ABCB7: variants seen among roughly 807,000 people sequenced by gnomAD.
The protein encoded by ABCB7 is iron-sulfur clusters transporter ABCB7, mitochondrial.
Under a neutral mutation model 54.4 loss-of-function variants are expected in ABCB7, and 7 were observed. The ratio of observed to expected loss-of-function variants is 0.13; its 90% CI spans 0.07 to 0.24. The LOEUF is 0.24. ABCB7 is among the 10% of genes least tolerant of loss of function. ABCB7 has a pLI of 1.00. For synonymous variants in ABCB7, 218 were observed against 207.1 expected (o/e 1.05, Z -0.45); for missense variants, 356 against 570.4 (o/e 0.62, Z 3.83).
chrX:75,100,818 C>T (rs2081633208), intron 3 of ABCB7, among the ~76,000 whole-genome samples: 1 of 111,625 alleles, frequency 9.0e-6, no homozygotes, highest in Non-Finnish European at 1.9e-5. Context: ...GACTGACATA[C>T]AATAGGTACC....
At chrX:75,127,037 A>T (rs779686461) in intron 1 of ABCB7, among the ~76,000 whole-genome samples, 1 of 110,979 alleles carries the variant, frequency 9.0e-6, no homozygotes, top group South Asian at 3.8e-4. Context: ...AAAAAAAGGG[A>T]CTCCTCTCTA....
At chrX:75,089,672 TGAACA>T (rs2081529650) in intron 4 of ABCB7, among the ~76,000 whole-genome samples, 1 of 110,116 alleles carries the variant, frequency 9.1e-6, no homozygotes. Flanking sequence ...AGAAAGGAAA[TGAACA>T]GAAAACAGTT....
intron 4 of ABCB7, among the ~76,000 whole-genome samples, chrX:75,079,886 C>A (rs938015358): frequency 1.1e-4 from 12 of 111,870 alleles, no homozygotes; most frequent in Non-Finnish European, 5.6e-5. Context: ...TCACCCCAGT[C>A]CCTTTACCCT....
In ABCB7 at chrX:75,069,440, T is replaced by C. The variant is rs2081345808; in HGVS notation, c.1380A>G (p.Ala460=). ...VDTQIKDKVM[A]SPLQITPQTA... ...TCTGTGGTGTGATCTGAAGGGGAGA[T>C]GCCATCACTTTGTCCTAGCAGGGAA... Residue 460 remains alanine (A), a synonymous_variant, in exon 11 of 16, where the codon GCA becomes GCG. Transcript: ENST00000373394. The C allele has an allele frequency of 8.3e-7, 1 of 1,209,835 alleles. No individual in the cohort carries two copies. The highest frequency in any genetic ancestry group is 1.1e-6 in the Non-Finnish European group (1 of 894,735).
At chrX:75,080,626 C>A (rs2081447767) in intron 4 of ABCB7, among the ~76,000 whole-genome samples, 1 of 111,454 alleles carries the variant, frequency 9.0e-6, no homozygotes, top group African/African-American at 3.3e-5. Flanking sequence ...TTACAATAAC[C>A]AGCAAAGTAT....
chrX:75,088,878 A>C (rs5981763), intron 4 of ABCB7, among the ~76,000 whole-genome samples: 16,482 of 109,088 alleles, frequency 0.15, 2,622 homozygotes, highest in African/African-American at 0.47. Context: ...ACAACAACAA[A>C]AAAAAAACTC....
intron 1 of ABCB7, among the ~76,000 whole-genome samples, chrX:75,118,731 G>A (rs775058524): frequency 9.0e-6 from 1 of 111,583 alleles, no homozygotes; most frequent in African/African-American, 3.3e-5. Flanking sequence ...GGCAGTTATG[G>A]GGAAATACTC....
intron 1 of ABCB7, among the ~76,000 whole-genome samples, chrX:75,151,959 A>G (rs898682793): frequency 2.7e-5 from 3 of 111,321 alleles, no homozygotes; most frequent in African/African-American, 6.5e-5. Flanking sequence ...ATAGTATTCA[A>G]TATCATTCCT....
intron 1 of ABCB7, among the ~76,000 whole-genome samples, chrX:75,149,630 G>T (rs1021053838): frequency 1.8e-5 from 2 of 111,487 alleles, no homozygotes; most frequent in Non-Finnish European, 3.8e-5. Flanking sequence ...TAGCTCTGTG[G>T]AAGATAAAAA....
chrX:75,098,259 A>C (rs1276450582), intron 4 of ABCB7, among the ~76,000 whole-genome samples: 1 of 108,954 alleles, frequency 9.2e-6, no homozygotes, highest in Non-Finnish European at 1.9e-5. Context: ...CAGTGAGCCA[A>C]GATTGTGCCA....
chrX:75,051,156 A>T lies in ABCB7; in HGVS notation c.*2214T>A, dbSNP rs1446358647. ...TGTTGAAAAGGAAAAAAAAAAAAAA[A>T]CTAATCCACTTTTCAGTTGATTATG... On this transcript the variant is annotated 3_prime_UTR_variant, in exon 16 of 16. Coordinates refer to ENST00000373394, the MANE Select transcript of ABCB7 (RefSeq NM_001271696.3). 9.1e-6 allele frequency among the ~76,000 whole-genome samples: 1 copy of T among 110,341 alleles called. No individual in the cohort carries two copies. The highest frequency in any genetic ancestry group is 1.9e-5 in the Non-Finnish European group (1 of 52,739).
intron 1 of ABCB7, among the ~76,000 whole-genome samples, chrX:75,146,194 C>T (rs919418603): frequency 9.0e-6 from 1 of 111,593 alleles, no homozygotes; most frequent in Admixed American, 9.5e-5. Context: ...ACATTTCATG[C>T]TCATGGATAG....
At chrX:75,151,444 T>C (rs746123667) in intron 1 of ABCB7, among the ~76,000 whole-genome samples, 5 of 111,608 alleles carry the variant, frequency 4.5e-5, no homozygotes, top group Non-Finnish European at 7.5e-5. Flanking sequence ...ACTACTTCCA[T>C]CCTCCCAACA....
At chrX:75,142,719 G>C (rs913685531) in intron 1 of ABCB7, among the ~76,000 whole-genome samples, 1 of 111,776 alleles carries the variant, frequency 8.9e-6, no homozygotes, top group Non-Finnish European at 1.9e-5. Flanking sequence ...CCCCATCTCC[G>C]GGCTCATATA....
intron 3 of ABCB7, among the ~76,000 whole-genome samples, chrX:75,108,388 G>A (rs1201676481): frequency 9.0e-6 from 1 of 111,475 alleles, no homozygotes; most frequent in Non-Finnish European, 1.9e-5. Context: ...CAGTAGCCAG[G>A]GAGTGGTTAC....
intron 1 of ABCB7, among the ~76,000 whole-genome samples, chrX:75,147,698 T>C (rs2082102044): frequency 9.0e-6 from 1 of 111,324 alleles, no homozygotes; most frequent in African/African-American, 3.3e-5. Context: ...AGGGAGAGGA[T>C]CAGAAAAAAT....
intron 1 of ABCB7, among the ~76,000 whole-genome samples, chrX:75,142,856 C>T (rs1048379471): frequency 8.9e-6 from 1 of 112,298 alleles, no homozygotes; most frequent in Non-Finnish European, 1.9e-5. Flanking sequence ...GCTATAGCCC[C>T]GGTGCCTAGT....
At chrX:75,089,203 G>A (rs188018282) in intron 4 of ABCB7, among the ~76,000 whole-genome samples, 19 of 111,842 alleles carry the variant, frequency 1.7e-4, no homozygotes, top group African/African-American at 5.8e-4. Context: ...GTTTTCCAGA[G>A]AGAATGCAAA....
intron 4 of ABCB7, among the ~76,000 whole-genome samples, chrX:75,088,443 TAAAC>T (rs1437263605): frequency 1.8e-5 from 2 of 111,709 alleles, no homozygotes; most frequent in Non-Finnish European, 3.8e-5. Context: ...ATGGGTAATA[TAAAC>T]AGAGAGGAAT....
Sources: allele counts gnomAD v4.1 joint callset (sites outside exome capture counted in the v4.1 genomes callset), GRCh38; gene constraint gnomAD v4.1.1; transcripts MANE v1.5; gene names NCBI Gene and HGNC (gene_info 2026-07-23, HGNC 2026-07-21).